The following SLC9B2 variants were observed in gnomAD, a reference collection of about 807,000 sequenced individuals.
SLC9B2 encodes the protein solute carrier family 9 member B2.
In SLC9B2, 39 loss-of-function variants were observed where a neutral mutation model predicts 52.2. The ratio of observed to expected loss-of-function variants is 0.75; its 90% CI spans 0.58 to 0.98. The LOEUF is 0.98. SLC9B2 is among the 50% of genes least tolerant of loss of function. The probability of loss-of-function intolerance (pLI) is 0.00; values close to 1 mark genes in which losing one functional copy is unlikely to be tolerated. For synonymous variants in SLC9B2, 214 were observed against 227.0 expected (o/e 0.94, Z 0.51); for missense variants, 626 against 637.5 (o/e 0.98, Z 0.19).
chr4:103,021,656 A>T (rs1246244503), downstream of SLC9B2, among the ~76,000 whole-genome samples: 4 of 152,252 alleles, frequency 2.6e-5, no homozygotes, highest in Non-Finnish European at 5.9e-5. Context: ...TGATAAAAAA[A>T]GTTTTAACAC....
chr4:103,055,588 GT>G (rs1213487429), intron 4 of SLC9B2, among the ~76,000 whole-genome samples: 1 of 151,752 alleles, frequency 6.6e-6, no homozygotes, highest in Non-Finnish European at 1.5e-5. Context: ...CTGACCACAA[GT>G]TCAAAAGCAG....
intron 9 of SLC9B2, among the ~76,000 whole-genome samples, chr4:103,040,161 C>A (rs1021031242): frequency 6.6e-6 from 1 of 152,060 alleles, no homozygotes; most frequent in African/African-American, 2.4e-5. Context: ...ACTGACAGAT[C>A]TGACTACATG....
intron 1 of SLC9B2, among the ~76,000 whole-genome samples, chr4:103,075,041 A>T (rs1418353522): frequency 1.3e-5 from 2 of 152,242 alleles, no homozygotes; most frequent in African/African-American, 2.4e-5. Flanking sequence ...CTTGTAATCT[A>T]GTTACAGGAT....
chr4:103,020,966 G>A (rs1344989056), downstream of SLC9B2, among the ~76,000 whole-genome samples: 1 of 152,094 alleles, frequency 6.6e-6, no homozygotes, highest in Non-Finnish European at 1.5e-5. Context: ...CCTTCAACGT[G>A]TTATAGACAT....
intron 8 of SLC9B2, 142 bp from the exon 9 acceptor site, chr4:103,043,587 AT>A (rs1743836116): frequency 5.7e-6 from 4 of 705,918 alleles, no homozygotes; most frequent in Admixed American, 3.2e-5. Context: ...ACTACATAAC[AT>A]TTACTTTCTC....
rs779095943 is a variant in SLC9B2, at chr4:103,026,330, G to C, written c.*40C>G. The C allele has an allele frequency of 6.6e-7, 1 of 1,508,738 alleles. No individual in the cohort carries two copies. Among genetic ancestry groups the C allele is most frequent in the Admixed American group, 2.1e-5 (1 of 47,260 alleles). 93.5% of individuals were successfully genotyped at this position (1,508,738 alleles called of 1,614,324 possible). On this transcript the variant is annotated 3_prime_UTR_variant, in exon 12 of 12. Coordinates refer to ENST00000394785, the MANE Select transcript of SLC9B2 (RefSeq NM_178833.7). ...AATATGCATCTTGAAAAAAGTAGCA[G>C]CTTTCTAAACATTATGTTCAGCACT... is the stretch of plus-strand genomic sequence containing the variant.
At chr4:103,047,537 T>TC (rs1237556873) in intron 6 of SLC9B2, among the ~76,000 whole-genome samples, 2 of 66,798 alleles carry the variant, frequency 3.0e-5, no homozygotes, top group Admixed American at 1.8e-4. Context: ...ATGCTATCCC[T>TC]CCCCCCCTCC....
At chr4:103,046,255 T>G (rs1369620065) in intron 7 of SLC9B2, among the ~76,000 whole-genome samples, 1 of 152,314 alleles carries the variant, frequency 6.6e-6, no homozygotes, top group East Asian at 1.9e-4. Context: ...ACTTTGTCAA[T>G]CATATAATGT....
chr4:103,063,242 T>A (rs193187268), intron 3 of SLC9B2, among the ~76,000 whole-genome samples: 3 of 152,386 alleles, frequency 2.0e-5, no homozygotes, highest in African/African-American at 7.2e-5. Flanking sequence ...TTATCTGTGA[T>A]CTTATCAGCT....
chr4:103,024,886 T>G lies in SLC9B2; in HGVS notation c.*1484A>C, dbSNP rs1364474383. 6.6e-6 allele frequency among the ~76,000 whole-genome samples: 1 copy of G among 152,224 alleles called. No homozygotes were observed. On this transcript the variant is annotated 3_prime_UTR_variant, in exon 12 of 12. Transcript: ENST00000394785. ...ATGACCTATGCAGGTAAGTCTTTCT[T>G]CTAATATTTTCTCTGCTGGCAAGTC...
chr4:103,054,223 T>C (rs866256948), intron 4 of SLC9B2, among the ~76,000 whole-genome samples: 4 of 152,146 alleles, frequency 2.6e-5, no homozygotes, highest in Non-Finnish European at 5.9e-5. Flanking sequence ...GAGCCATGAT[T>C]GTGCAATGAT....
intron 6 of SLC9B2, among the ~76,000 whole-genome samples, chr4:103,048,069 A>G (rs1744328536): frequency 1.3e-5 from 2 of 152,190 alleles, no homozygotes; most frequent in Non-Finnish European, 2.9e-5. Flanking sequence ...TAGGCCTTCT[A>G]TTAGGGCTTG....
intron 1 of SLC9B2, among the ~76,000 whole-genome samples, chr4:103,070,316 A>T (rs980514655): frequency 2.0e-5 from 3 of 152,242 alleles, no homozygotes; most frequent in Non-Finnish European, 2.9e-5. Context: ...TCTTGAAATT[A>T]CAAAAATGAC....
At chr4:103,060,580 C>A in intron 3 of SLC9B2, among the ~76,000 whole-genome samples, 1 of 131,928 alleles carries the variant, frequency 7.6e-6, no homozygotes. Context: ...ATAGTGAGCT[C>A]TCCCTTGGAA....
Position 103,075,397 on chromosome 4 carries a change from A to C in SLC9B2, c.-43+787T>G, listed in dbSNP as rs186551153. Among the ~76,000 whole-genome samples, 74 of 152,288 alleles carry C rather than the reference A, an allele frequency of 4.9e-4. 1 individual carries two copies. In the East Asian group the frequency reaches 0.013, roughly 27 times the overall value. ...ACTCCTGACCTCAGGTGATATGCCCACCTCGGCCTCACAAAGCCTTAACAA... is the reference window on the plus strand; with the variant it reads ...ACTCCTGACCTCAGGTGATATGCCCCCCTCGGCCTCACAAAGCCTTAACAA... On this transcript the variant is annotated intron_variant, in intron 1 of 11. Transcript: ENST00000394785.
At chr4:103,050,131 C>T in intron 5 of SLC9B2, 109 bp downstream of exon 5, 1 of 951,484 alleles carries the variant, frequency 1.1e-6, no homozygotes, top group Non-Finnish European at 1.4e-6. Flanking sequence ...TCAAGAATGT[C>T]ATGCAAAGTG....
chr4:103,056,361 T>C (rs147968447), intron 4 of SLC9B2, among the ~76,000 whole-genome samples: 1,948 of 151,578 alleles, frequency 0.013, 40 homozygotes, highest in African/African-American at 0.041. Context: ...AATTCTCCTA[T>C]CTCAGCCTCC....
At chr4:103,047,396 T>C (rs1415923148) in intron 6 of SLC9B2, among the ~76,000 whole-genome samples, 170 bp from the exon 7 acceptor site, 1 of 152,166 alleles carries the variant, frequency 6.6e-6, no homozygotes, top group South Asian at 2.1e-4. Flanking sequence ...TGTTTTTTTT[T>C]CTTTTTTTTA....
At chr4:103,028,673 G>A (rs1305731235) in intron 11 of SLC9B2, 74 bp downstream of exon 11, 1 of 1,460,014 alleles carries the variant, frequency 6.8e-7, no homozygotes, top group African/African-American at 1.5e-5. Flanking sequence ...ATTTAAACAA[G>A]CCCTCTTATT....
Sources: allele counts gnomAD v4.1 joint callset (sites outside exome capture counted in the v4.1 genomes callset), GRCh38; gene constraint gnomAD v4.1.1; transcripts MANE v1.5; gene names NCBI Gene and HGNC (gene_info 2026-07-23, HGNC 2026-07-21).